The following CACNA1A variants were observed in gnomAD, a reference collection of about 807,000 sequenced individuals.
The protein encoded by CACNA1A is calcium voltage-gated channel subunit alpha1 A.
CACNA1A carries 57 observed loss-of-function variants against 262.4 expected under a neutral mutation model. The observed-to-expected ratio is 0.22, with a 90% CI of 0.18 to 0.27. The LOEUF is 0.27. CACNA1A is among the 10% of genes least tolerant of loss of function. The pLI, the probability that CACNA1A is intolerant of heterozygous loss-of-function variation, is 1.00. For synonymous variants in CACNA1A, 1,431 were observed against 1,419.3 expected, an observed-to-expected ratio of 1.01 and a Z score of -0.18; for missense variants, 2,526 against 3,562.8, an observed-to-expected ratio of 0.71 and a Z score of 7.41.
At chr19:13,242,428 T>A (rs2056104211) in intron 31 of CACNA1A, among the ~76,000 whole-genome samples, 1 of 152,162 alleles carries the variant, frequency 6.6e-6, no homozygotes, top group Admixed American at 6.5e-5. Context: ...CCTGAGTAGC[T>A]GGGATTACAG....
chr19:13,310,412 G>A lies in CACNA1A; in HGVS notation c.1669-1884C>T, dbSNP rs1335248428. On this transcript the variant is annotated intron_variant, in intron 12 of 46. Coordinates refer to ENST00000360228, the MANE Select transcript of CACNA1A (RefSeq NM_001127222.2). ...GGAGGTTGTAGTGAGCCAAGATTGC[G>A]CCACTGCACTCCAGCCTGGGCAATA... 2.3e-3 allele frequency among the ~76,000 whole-genome samples: 289 copies of A among 123,038 alleles called. 1 individual carries two copies. Among genetic ancestry groups the A allele is most frequent in the African/African-American group, 7.2e-3 (227 of 31,324 alleles). The allele number at this position is 123,038 out of a possible 152,430, so 80.7% of individuals were successfully genotyped here.
rs956703784 is a variant in CACNA1A, at chr19:13,343,115, C to CT, written c.979-7207dup. On this transcript the variant is annotated intron_variant, in intron 6 of 46. Coordinates refer to ENST00000360228, the MANE Select transcript of CACNA1A (RefSeq NM_001127222.2). Reference sequence around the variant, plus strand: ...CTTCACCTCTTTCTGGTCTTTCTTTCTTTTTTTTCTTTCTTTTTTTTTTTG... The same window carrying CT: ...CTTCACCTCTTTCTGGTCTTTCTTTCTTTTTTTTTCTTTCTTTTTTTTTTTG... 2.9e-4 allele frequency among the ~76,000 whole-genome samples: 42 copies of CT among 145,666 alleles called. 1 individual carries two copies. The highest frequency in any genetic ancestry group is 1.4e-3 in the Admixed American group (20 of 14,812).
At chr19:13,393,763 TTCCC>T (rs1279113107) in intron 3 of CACNA1A, among the ~76,000 whole-genome samples, 23 of 111,394 alleles carry the variant, frequency 2.1e-4, no homozygotes, top group Admixed American at 2.7e-4. Context: ...CTTCCTTCCC[TTCCC>T]TCCCTCCCTC....
intron 4 of CACNA1A, 91 bp downstream of exon 4, chr19:13,371,597 A>G: frequency 1.1e-6 from 1 of 880,886 alleles, no homozygotes; most frequent in Non-Finnish European, 1.8e-6. Context: ...TGGTGGCAGG[A>G]TGTGGCCTCC....
At chr19:13,306,981 G>C (rs1313070388) in intron 15 of CACNA1A, among the ~76,000 whole-genome samples, 1 of 151,944 alleles carries the variant, frequency 6.6e-6, no homozygotes, top group Non-Finnish European at 1.5e-5. Context: ...TTTCGTTTTT[G>C]AGACAGGGCT....
At chr19:13,288,596 C>T (rs2057461317) in intron 19 of CACNA1A, among the ~76,000 whole-genome samples, 1 of 152,048 alleles carries the variant, frequency 6.6e-6, no homozygotes, top group African/African-American at 2.4e-5. Flanking sequence ...ACTGAGGCCC[C>T]AGGAGAGATC....
chr19:13,384,830 A>G (rs1314173322), intron 3 of CACNA1A, among the ~76,000 whole-genome samples: 1 of 152,168 alleles, frequency 6.6e-6, no homozygotes, highest in Non-Finnish European at 1.5e-5. Context: ...AATGCATTTC[A>G]TACGGCATCA....
intron 38 of CACNA1A, among the ~76,000 whole-genome samples, chr19:13,220,580 A>C (rs1283556097): frequency 6.6e-6 from 1 of 152,202 alleles, no homozygotes; most frequent in African/African-American, 2.4e-5. Flanking sequence ...CCTTGATTTC[A>C]GCCTCGTGAG....
intron 3 of CACNA1A, among the ~76,000 whole-genome samples, chr19:13,413,314 G>A (rs373510711): frequency 3.3e-5 from 5 of 151,276 alleles, no homozygotes; most frequent in East Asian, 4.0e-4. Context: ...CACTGTGTTA[G>A]CCAGGATGGT....
At chr19:13,314,689 C>T (rs7257429) in intron 11 of CACNA1A, among the ~76,000 whole-genome samples, 43,605 of 152,030 alleles carry the variant, frequency 0.29, 6,712 homozygotes, top group East Asian at 0.45. Flanking sequence ...TACCCAGTCT[C>T]GGGTAATTTG....
In CACNA1A at chr19:13,479,089, A is replaced by G. The variant is rs977399122; in HGVS notation, c.294-23877T>C. ...CTCAGGAGGCTGAGGCAGGAGACTC[A>G]CTTGAATCCGGGAGGTGGAGGTTGC... On this transcript the variant is annotated intron_variant, in intron 1 of 46. Coordinates refer to ENST00000360228, the MANE Select transcript of CACNA1A (RefSeq NM_001127222.2). Among the ~76,000 whole-genome samples the G allele has an allele frequency of 1.2e-4, 18 of 152,278 alleles. No homozygotes were observed. The Middle Eastern group carries it at 0.01, about 86-fold the overall frequency.
intron 6 of CACNA1A, among the ~76,000 whole-genome samples, chr19:13,341,576 C>T (rs12610699): frequency 0.078 from 11,862 of 152,224 alleles, 803 homozygotes; most frequent in Admixed American, 0.17. Context: ...CTCAACCACG[C>T]CAAGCACAGT....
At chr19:13,414,048 AC>A (rs972197918) in intron 3 of CACNA1A, among the ~76,000 whole-genome samples, 2 of 151,874 alleles carry the variant, frequency 1.3e-5, no homozygotes, top group African/African-American at 4.8e-5. Context: ...ACATAGTGGG[AC>A]CCCATCTCTA....
chr19:13,345,506 A>C (rs906743730), intron 6 of CACNA1A, among the ~76,000 whole-genome samples: 1 of 152,196 alleles, frequency 6.6e-6, no homozygotes, highest in Non-Finnish European at 1.5e-5. Flanking sequence ...CTCATCAAAC[A>C]AACTAATGGC....
chr19:13,438,662 C>T (rs899073493), intron 3 of CACNA1A, among the ~76,000 whole-genome samples: 2 of 152,204 alleles, frequency 1.3e-5, no homozygotes, highest in Non-Finnish European at 2.9e-5. Flanking sequence ...CCAGATAAAG[C>T]ACCCAACTGG....
intron 36 of CACNA1A, chr19:13,228,822 G>T: frequency 7.3e-7 from 1 of 1,377,322 alleles, no homozygotes; most frequent in South Asian, 1.2e-5. Flanking sequence ...GGGGGTTAGT[G>T]CAGGCAATGG....
At chr19:13,470,555 T>C (rs11879128) in intron 1 of CACNA1A, among the ~76,000 whole-genome samples, 48,803 of 152,048 alleles carry the variant, frequency 0.32, 10,404 homozygotes, top group African/African-American at 0.58. Context: ...TCTATCTCTA[T>C]CCTCTTTCTA....
At chr19:13,226,063 T>C (rs1055143921) in intron 37 of CACNA1A, 1 of 152,012 alleles carries the variant, frequency 6.6e-6, no homozygotes, top group Non-Finnish European at 1.5e-5. Context: ...ACCACATTGG[T>C]AGATTGCAAC....
chr19:13,270,257 A>C (rs1227529124), intron 24 of CACNA1A, among the ~76,000 whole-genome samples: 1 of 152,168 alleles, frequency 6.6e-6, no homozygotes, highest in Non-Finnish European at 1.5e-5. Context: ...TCTAGAGAGA[A>C]ATCAAACAGA....
Sources: gnomAD v4.1 joint callset for allele counts (sites outside exome capture counted in the v4.1 genomes callset) on GRCh38, gnomAD v4.1.1 for gene constraint, MANE v1.5 for transcripts, NCBI Gene and HGNC (gene_info 2026-07-23, HGNC 2026-07-21) for gene names.